The following GANAB variants were observed in gnomAD, a reference collection of about 807,000 sequenced individuals.
GANAB encodes neutral alpha-glucosidase AB.
In GANAB, 35 loss-of-function variants were observed where a neutral mutation model predicts 129.9. The observed-to-expected ratio is 0.27, with a 90% confidence interval of 0.21 to 0.36. The LOEUF (loss-of-function observed/expected upper bound fraction) is 0.36, where lower values mean the gene tolerates loss of function less well. Among genes scored for constraint, GANAB ranks in the 10% least tolerant of loss-of-function variants. GANAB has a pLI of 1.00. For missense variants in GANAB, 939 were observed against 1,221.0 expected (o/e 0.77, Z 3.44); for synonymous variants, 482 against 451.8 (o/e 1.07, Z -0.85).
chr11:62,637,078 A>G (rs1943979216), intron 4 of GANAB, among the ~76,000 whole-genome samples: 1 of 152,188 alleles, frequency 6.6e-6, no homozygotes. Flanking sequence ...CTTTAGGATC[A>G]TTAAGAAAAA....
chr11:62,638,063 G>A (rs1944028674), intron 4 of GANAB, among the ~76,000 whole-genome samples: 1 of 152,118 alleles, frequency 6.6e-6, no homozygotes, highest in Non-Finnish European at 1.5e-5. Flanking sequence ...ACAAAAAAAA[G>A]GCAAAGGAAG....
At chr11:62,633,963 C>G (rs905187578) in intron 5 of GANAB, 20 of 352,208 alleles carry the variant, frequency 5.7e-5, no homozygotes, top group African/African-American at 8.4e-5. Context: ...ATAGGGACTT[C>G]AAGAGATTCT....
intron 17 of GANAB, among the ~76,000 whole-genome samples, chr11:62,627,753 A>G (rs954503922): frequency 2.0e-5 from 3 of 152,182 alleles, no homozygotes; most frequent in Admixed American, 6.5e-5. Context: ...AAAGAAAAGA[A>G]AAGAACAGCA....
rs1943526256 is a variant in GANAB at position 62,628,828 on chromosome 11, C to T, written c.2121G>A (p.Leu707=). The T allele has an allele frequency of 1.2e-6, 2 of 1,614,054 alleles. No homozygotes were observed. The highest frequency in any genetic ancestry group is 4.5e-5 in the East Asian group (2 of 44,862). The change falls in exon 17 of 24, where the codon TTG becomes TTA. Residue 707 remains leucine, a synonymous_variant. Transcript: ENST00000356638. Reference sequence around the variant, plus strand: ...ATAAGAGGGTGTACCAGAAGGGCAGCAAAGAATATCGCTGGCCCAAGGCAT... The same window carrying T: ...ATAAGAGGGTGTACCAGAAGGGCAGTAAAGAATATCGCTGGCCCAAGGCAT... ...IRDALGQRYS[L]LPFWYTLLYQ...
intron 1 of GANAB, among the ~76,000 whole-genome samples, chr11:62,645,987 A>G (rs967349734): frequency 1.3e-5 from 2 of 152,194 alleles, no homozygotes; most frequent in Admixed American, 1.3e-4. Flanking sequence ...GAGCAACACC[A>G]TCCACGCCGT....
In GANAB at chr11:62,626,444, T is replaced by C. The variant is rs775964626; in HGVS notation, c.2515A>G (p.Thr839Ala). ...TLFVALSPQG[T>A]AQGELFLDDG... ...TCCAGAAAGAGCTCTCCTTGAGCTG[T>C]ACCCTGAGCAAGAAGTGGGATAGGT... is the stretch of plus-strand genomic sequence containing the variant. The change falls in exon 22 of 24, where the codon ACA becomes GCA. Residue 839 changes from threonine (T) to alanine (A), a missense_variant. Physicochemically the swap from Thr to Ala is moderately conservative, Grantham distance 58. Around this residue, in one of 5 missense-constraint regions of GANAB, gnomAD observed 230 missense variants for 259.9 expected, o/e 0.89. Coordinates refer to ENST00000356638, the MANE Select transcript of GANAB (RefSeq NM_198334.3). 5 of 1,607,116 alleles carry C rather than the reference T, an allele frequency of 3.1e-6. No individual in the cohort carries two copies. The highest frequency in any genetic ancestry group is 2.7e-5 in the African/African-American group (2 of 74,728).
At position 62,633,508 on chromosome 11, in the gene GANAB, T is replaced by A; in HGVS notation, c.567A>T (p.Gly189=). The A allele has an allele frequency of 6.2e-7, 1 of 1,613,886 alleles. No individual in the cohort carries two copies. The highest frequency in any genetic ancestry group is 8.5e-7 in the Non-Finnish European group (1 of 1,179,922). Residue 189 remains glycine (G), a synonymous_variant, in exon 6 of 24, where the codon GGA becomes GGT. Transcript: ENST00000356638. ...EHQRAPRVSQ[G]SKDPAEGDGA... ...CATCGCCCTCAGCTGGGTCTTTTGATCCTTGCCTGGAAGGTAGGAGAGCTG... is the reference window on the plus strand; with the variant it reads ...CATCGCCCTCAGCTGGGTCTTTTGAACCTTGCCTGGAAGGTAGGAGAGCTG...
chr11:62,638,088 T>C (rs183285295), intron 4 of GANAB, among the ~76,000 whole-genome samples: 43 of 152,262 alleles, frequency 2.8e-4, no homozygotes, highest in Admixed American at 1.5e-3. Context: ...AGCTTCAGAA[T>C]AACGACTACC....
In GANAB at chr11:62,625,844, C is replaced by G; in HGVS notation, c.2806G>C (p.Ala936Pro). The G allele has an allele frequency of 1.2e-6, 2 of 1,612,170 alleles. No individual in the cohort carries two copies. ...LVLRKPGINV[A>P]SDWSIHLR is the part of the protein sequence containing the mutation. ...CGCAGGTGAATACTCCAATCAGATGCCACATTGATGCCAGGCTTGCGCAGG... is the reference window on the plus strand; with the variant it reads ...CGCAGGTGAATACTCCAATCAGATGGCACATTGATGCCAGGCTTGCGCAGG... The change falls in exon 24 of 24, where the codon GCA becomes CCA. Residue 936 changes from alanine to proline, a missense_variant. Ala to Pro is a conservative substitution (Grantham distance 27). Transcript: ENST00000356638.
At chr11:62,645,653 TC>T (rs1263521002) in intron 1 of GANAB, among the ~76,000 whole-genome samples, 2 of 152,266 alleles carry the variant, frequency 1.3e-5, no homozygotes, top group Middle Eastern at 3.4e-3. Flanking sequence ...AAAGCATCTT[TC>T]AGATATGACC....
intron 15 of GANAB, 115 bp from the exon 16 acceptor site, chr11:62,629,410 C>T (rs551097477): frequency 1.2e-6 from 1 of 867,718 alleles, no homozygotes; most frequent in Non-Finnish European, 1.9e-6. Context: ...ATGCAGTTCA[C>T]AAGAACATTT....
chr11:62,639,093 C>T lies in GANAB; in HGVS notation c.270G>A (p.Glu90=). The T allele has an allele frequency of 4.3e-6, 7 of 1,614,016 alleles. No individual in the cohort carries two copies. The highest frequency in any genetic ancestry group is 5.9e-6 in the Non-Finnish European group (7 of 1,180,012). The change falls in exon 4 of 24, where the codon GAG becomes GAA. Residue 90 remains glutamate (E), a synonymous_variant. Coordinates refer to ENST00000356638, the MANE Select transcript of GANAB (RefSeq NM_198334.3). ...TCATGTTCTTTTGAAGCCCCTGAAG[C>T]TCTAGCACCAGCAACACCTGCGGGG... The part of the protein sequence containing the change: ...HEVTKVLLVL[E]LQGLQKNMTR...
chr11:62,637,310 G>A (rs550113944), intron 4 of GANAB, among the ~76,000 whole-genome samples: 1 of 152,334 alleles, frequency 6.6e-6, no homozygotes, highest in African/African-American at 2.4e-5. Flanking sequence ...CTGGCCGGGT[G>A]TGGTGGCTCA....
In GANAB at chr11:62,633,188, C is replaced by T. The variant is rs139305180; in HGVS notation, c.714G>A (p.Pro238=). ...CAAGGAACCCGAGCCCCTCACCATACGGCTTGCTGTCAGAGTGAGTTTTGA... is the reference window on the plus strand; with the variant it reads ...CAAGGAACCCGAGCCCCTCACCATATGGCTTGCTGTCAGAGTGAGTTTTGA... ...ETFKTHSDSK[P]YGPMSVGLDF... is the part of the protein sequence containing the mutation. Residue 238 remains proline, a synonymous_variant, in exon 7 of 24, where the codon CCG becomes CCA. Coordinates refer to ENST00000356638, the MANE Select transcript of GANAB (RefSeq NM_198334.3). 2.5e-3 allele frequency: 3,981 copies of T among 1,613,402 alleles called. 89 individuals carry two copies. In the African/African-American group the frequency reaches 0.047, roughly 19 times the overall value.
At chr11:62,628,225 T>C (rs141487352) in intron 17 of GANAB, among the ~76,000 whole-genome samples, 101 of 124,568 alleles carry the variant, frequency 8.1e-4, no homozygotes, top group Admixed American at 1.3e-3. Context: ...TTTTTTTTTT[T>C]CATTTTTTTG....
rs1484293528 is a variant in GANAB, at chr11:62,633,016, C to T, written c.804G>A (p.Leu268=). Residue 268 remains leucine (L), a synonymous_variant, in exon 8 of 24, where the codon CTG becomes CTA. Coordinates refer to ENST00000356638, the MANE Select transcript of GANAB (RefSeq NM_198334.3). ...GIPEHADNLR[L]KVTEGGEPYR... ...ACCATAGGACTCACTCAGTGACCTT[C>T]AGCCTCAGGTTGTCTGCATGCTCAG... The T allele has an allele frequency of 6.3e-7, 1 of 1,595,678 alleles. No individual in the cohort carries two copies. The highest frequency in any genetic ancestry group is 2.2e-5 in the East Asian group (1 of 44,776).
intron 6 of GANAB, 41 bp downstream of exon 6, chr11:62,633,404 A>C: frequency 6.2e-7 from 1 of 1,601,762 alleles, no homozygotes; most frequent in Non-Finnish European, 8.6e-7. Flanking sequence ...CCACCCTCCC[A>C]GCCAGCCCTA....
At position 62,634,934 on chromosome 11, in the gene GANAB, G is replaced by T. The variant is rs1308782160; in HGVS notation, c.447C>A (p.Ile149=). ...ELTMAEGPYK[I]ILTARPFRLD... is the part of the protein sequence containing the mutation. ...GGCGGAATGGCCGTGCTGTCAAGATGATCTTGTAGGGTCCCTCAGCCATGG... is the reference window on the plus strand; with the variant it reads ...GGCGGAATGGCCGTGCTGTCAAGATTATCTTGTAGGGTCCCTCAGCCATGG... The change falls in exon 5 of 24, where the codon ATC becomes ATA. Residue 149 remains isoleucine (I), a synonymous_variant. Transcript: ENST00000356638. 1 of 1,613,476 alleles carries T rather than the reference G, an allele frequency of 6.2e-7. No homozygotes were observed. The highest frequency in any genetic ancestry group is 2.2e-5 in the East Asian group (1 of 44,894).
chr11:62,630,445 GCTC>G lies in GANAB; in HGVS notation c.1444_1446del (p.Glu482del). ...TTAACATACAGCCCCAGGTTCCGCA[GCTC>G]CTCGTGAACTCGGTAGCCGGAGTCC... On this transcript the variant is annotated inframe_deletion, in exon 12 of 24. Transcript: ENST00000356638. The G allele has an allele frequency of 6.2e-7, 1 of 1,614,138 alleles. No homozygotes were observed. Among genetic ancestry groups the G allele is most frequent in the Non-Finnish European group, 8.5e-7 (1 of 1,180,004 alleles).
Sources: gnomAD v4.1 joint callset for allele counts (sites outside exome capture counted in the v4.1 genomes callset) on GRCh38, gnomAD v4.1.1 for gene constraint, gnomAD v4.1.1 regional missense constraint, MANE v1.5 for transcripts, NCBI Gene and HGNC (gene_info 2026-07-23, HGNC 2026-07-21) for gene names.